Variants in ERICH1 observed in about 807,000 individuals in gnomAD.
ERICH1 encodes glutamate rich 1.
ERICH1 carries 56 observed loss-of-function variants against 39.6 expected under a neutral mutation model. That is an observed-to-expected ratio of 1.41 (90% confidence interval 1.14 to 1.77). The LOEUF is 1.77. Ranked by LOEUF, ERICH1 falls within the 40% of genes most tolerant of loss-of-function variation. ERICH1 has a pLI of 0.00. For synonymous variants in ERICH1, 313 were observed against 223.6 expected (o/e 1.40, Z -3.57); for missense variants, 826 against 575.4 (o/e 1.44, Z -4.45).
intron 2 of ERICH1, among the ~76,000 whole-genome samples, chr8:705,850 G>A (rs1325026715): frequency 6.6e-6 from 1 of 152,218 alleles, no homozygotes; most frequent in Non-Finnish European, 1.5e-5. Context: ...CTGGCCGCAT[G>A]GGGGACGGTG....
At position 706,512 on chromosome 8, in the gene ERICH1, G is replaced by A. The variant is rs144525349; in HGVS notation, c.169+9349C>T. ...GATAAGGCCAGGCGCAGTGGCTCAC[G>A]CCTGTAATCCCAGCACTTTGGAAGG... On this transcript the variant is annotated intron_variant, in intron 2 of 5. Transcript: ENST00000262109. Among the ~76,000 whole-genome samples the A allele has an allele frequency of 3.5e-3, 531 of 152,300 alleles. 2 individuals are homozygous for A. The highest frequency in any genetic ancestry group is 0.011 in the African/African-American group (462 of 41,566).
chr8:640,747 T>G (rs1180322718), intron 3 of ERICH1: 1 of 152,194 alleles, frequency 6.6e-6, no homozygotes, highest in African/African-American at 2.4e-5. Context: ...TGTTGGTTCC[T>G]TGGGGATGGA....
At chr8:696,322 G>A (rs868754685) in intron 2 of ERICH1, among the ~76,000 whole-genome samples, 11 of 25,220 alleles carry the variant, frequency 4.4e-4, no homozygotes, top group African/African-American at 6.6e-4. Context: ...ATCAGCCTGC[G>A]CTCGCTCCTC....
chr8:671,061 T>C (rs1025263465), intron 4 of ERICH1, among the ~76,000 whole-genome samples: 9 of 151,810 alleles, frequency 5.9e-5, no homozygotes, highest in African/African-American at 2.2e-4. Context: ...GTCCCCAGGC[T>C]CCGACCTCTG....
At chr8:636,774 C>T (rs958818770) in intron 3 of ERICH1, among the ~76,000 whole-genome samples, 6 of 152,252 alleles carry the variant, frequency 3.9e-5, no homozygotes, top group African/African-American at 1.2e-4. Context: ...AGGCCCCAGA[C>T]GTGCTCCCCT....
At chr8:627,232 T>A (rs1210675546) in intron 3 of ERICH1, 1 of 456,206 alleles carries the variant, frequency 2.2e-6, no homozygotes, top group Non-Finnish European at 4.4e-6. Flanking sequence ...AGCTTCAGAC[T>A]TCCCACCTGG....
intron 3 of ERICH1, among the ~76,000 whole-genome samples, chr8:622,511 C>T (rs887974461): frequency 2.6e-5 from 4 of 152,162 alleles, no homozygotes; most frequent in African/African-American, 4.8e-5. Flanking sequence ...CTGGTGGTGA[C>T]GTGATCTTGG....
At chr8:674,304 T>TG (rs1484052215) in intron 3 of ERICH1, among the ~76,000 whole-genome samples, 1 of 149,266 alleles carries the variant, frequency 6.7e-6, no homozygotes, top group East Asian at 2.0e-4. Flanking sequence ...TGCTTTTTTT[T>TG]TTTTTTTTTT....
chr8:718,949 G>A (rs949861984), intron 1 of ERICH1, among the ~76,000 whole-genome samples: 3 of 151,952 alleles, frequency 2.0e-5, no homozygotes, highest in African/African-American at 4.8e-5. Flanking sequence ...TGCATTGTGC[G>A]GCTTCTCTGT....
intron 1 of ERICH1, among the ~76,000 whole-genome samples, chr8:718,190 C>G (rs1331508343): frequency 6.7e-6 from 1 of 149,320 alleles, no homozygotes; most frequent in Non-Finnish European, 1.5e-5. Context: ...CACCAGGGTA[C>G]AGATTGGAGT....
chr8:616,299 G>C, intron 3 of ERICH1: 1 of 307,938 alleles, frequency 3.2e-6, no homozygotes, highest in Non-Finnish European at 6.5e-6. Flanking sequence ...TGTGTGGCAG[G>C]ACAAGCATGG....
At chr8:708,132 G>T (rs774507981) in intron 2 of ERICH1, among the ~76,000 whole-genome samples, 1 of 151,126 alleles carries the variant, frequency 6.6e-6, no homozygotes, top group Non-Finnish European at 1.5e-5. Context: ...AAAAAAAATA[G>T]AAAATAAGTG....
chr8:629,575 C>T (rs1484318047), intron 3 of ERICH1, among the ~76,000 whole-genome samples: 4 of 148,216 alleles, frequency 2.7e-5, no homozygotes, highest in South Asian at 2.2e-4. Flanking sequence ...GACTCACACC[C>T]GCCGGTGACC....
At chr8:670,127 T>G (rs1462682519) in intron 4 of ERICH1, among the ~76,000 whole-genome samples, 1 of 152,138 alleles carries the variant, frequency 6.6e-6, no homozygotes, top group African/African-American at 2.4e-5. Flanking sequence ...GGTCACTAAT[T>G]CTCTTTTATA....
chr8:719,837 T>C (rs185688562), intron 1 of ERICH1, among the ~76,000 whole-genome samples: 2 of 152,224 alleles, frequency 1.3e-5, no homozygotes, highest in African/African-American at 4.8e-5. Context: ...TGTCCGGATA[T>C]ACTTTGTTGC....
At chr8:678,431 CAG>C (rs1432820990) in intron 3 of ERICH1, among the ~76,000 whole-genome samples, 2 of 152,154 alleles carry the variant, frequency 1.3e-5, no homozygotes, top group African/African-American at 4.8e-5. Flanking sequence ...CCAATGGACA[CAG>C]AAAGAAACAG....
intron 3 of ERICH1, among the ~76,000 whole-genome samples, chr8:686,922 G>T (rs975612591): frequency 6.8e-6 from 1 of 146,868 alleles, no homozygotes; most frequent in African/African-American, 2.5e-5. Flanking sequence ...CCCTTGAGAG[G>T]GTGAGATGCG....
chr8:660,894 C>T (rs1373907330), downstream of ERICH1, among the ~76,000 whole-genome samples: 2 of 152,094 alleles, frequency 1.3e-5, no homozygotes, highest in Non-Finnish European at 2.9e-5. Flanking sequence ...CTCCGGGTTC[C>T]TGGGATACCT....
intron 2 of ERICH1, among the ~76,000 whole-genome samples, chr8:710,576 G>C (rs1480203144): frequency 1.3e-5 from 2 of 152,194 alleles, no homozygotes; most frequent in Non-Finnish European, 1.5e-5. Context: ...GATCTTTTTG[G>C]GGTCTCCTCA....
Sources: allele counts gnomAD v4.1 joint callset (sites outside exome capture counted in the v4.1 genomes callset), GRCh38; gene constraint gnomAD v4.1.1; transcripts MANE v1.5; gene names NCBI Gene and HGNC (gene_info 2026-07-23, HGNC 2026-07-21).